The following RCOR1 variants were observed in gnomAD, a reference collection of about 807,000 sequenced individuals.
RCOR1 encodes the protein REST corepressor.
Under a neutral mutation model 64.0 loss-of-function variants are expected in RCOR1, and 12 were observed. The observed-to-expected ratio is 0.19, with a 90% CI of 0.12 to 0.30. The LOEUF (loss-of-function observed/expected upper bound fraction) is 0.30. Ranked by LOEUF, RCOR1 falls within the 10% of genes least tolerant of loss-of-function variation. The pLI is 1.00. For missense variants in RCOR1, 502 were observed against 621.2 expected, an observed-to-expected ratio of 0.81 and a Z score of 2.04; for synonymous variants, 279 against 227.2, an observed-to-expected ratio of 1.23 and a Z score of -2.05.
chr14:102,696,030 G>C (rs902156423), intron 3 of RCOR1, among the ~76,000 whole-genome samples: 10 of 152,008 alleles, frequency 6.6e-5, no homozygotes, highest in Admixed American at 3.9e-4. Flanking sequence ...ATTCTCAGAC[G>C]TTAGCTGTTG....
At chr14:102,720,825 A>C in intron 8 of RCOR1, 182 bp from the exon 9 acceptor site, 1 of 475,236 alleles carries the variant, frequency 2.1e-6, no homozygotes, top group East Asian at 3.6e-5. Context: ...TGCTCTGAAC[A>C]AGCAAATAAT....
chr14:102,595,616 C>G (rs1324858665), intron 2 of RCOR1, among the ~76,000 whole-genome samples: 2 of 149,882 alleles, frequency 1.3e-5, no homozygotes, highest in African/African-American at 4.9e-5. Context: ...CTTGCTCTGT[C>G]CCTCAGGCTG....
chr14:102,642,782 G>C (rs976185004), intron 2 of RCOR1, among the ~76,000 whole-genome samples: 3 of 152,170 alleles, frequency 2.0e-5, no homozygotes, highest in Non-Finnish European at 4.4e-5. Context: ...GCTGTGGTGA[G>C]CTATGATCAT....
intron 2 of RCOR1, chr14:102,659,260 T>C: frequency 1.0e-6 from 1 of 985,322 alleles, no homozygotes; most frequent in Non-Finnish European, 1.2e-6. Flanking sequence ...TGATGCAGGG[T>C]TGCATTGGCC....
intron 2 of RCOR1, among the ~76,000 whole-genome samples, chr14:102,660,081 A>G (rs970667121): frequency 1.3e-5 from 2 of 152,164 alleles, no homozygotes; most frequent in East Asian, 3.9e-4. Context: ...ATCTTTAACC[A>G]TTGGTTCCAA....
intron 2 of RCOR1, among the ~76,000 whole-genome samples, chr14:102,670,866 C>T (rs1595222057): frequency 1.3e-5 from 2 of 151,058 alleles, no homozygotes; most frequent in Non-Finnish European, 3.0e-5. Context: ...CTCTGCCTCC[C>T]GGGTTCAAGC....
chr14:102,645,234 G>C, intron 2 of RCOR1, among the ~76,000 whole-genome samples: 1 of 152,092 alleles, frequency 6.6e-6, no homozygotes, highest in Admixed American at 6.6e-5. Flanking sequence ...ATCCTTAGAA[G>C]GCTCTTGGTC....
intron 2 of RCOR1, among the ~76,000 whole-genome samples, chr14:102,612,189 A>G (rs966950693): frequency 2.0e-5 from 3 of 151,654 alleles, no homozygotes; most frequent in Non-Finnish European, 4.4e-5. Context: ...ATGTCACTCT[A>G]CCTTGACTGG....
At chr14:102,706,127 A>C (rs1210825644) in intron 4 of RCOR1, among the ~76,000 whole-genome samples, 2 of 148,248 alleles carry the variant, frequency 1.3e-5, no homozygotes, top group Non-Finnish European at 3.0e-5. Flanking sequence ...AAAAAAAAAA[A>C]AAAAAAAAAA....
intron 2 of RCOR1, among the ~76,000 whole-genome samples, chr14:102,621,141 T>A (rs1032336238): frequency 2.6e-5 from 4 of 152,206 alleles, no homozygotes; most frequent in Non-Finnish European, 2.9e-5. Flanking sequence ...AGCTAGTTTT[T>A]TAGAATTTTT....
chr14:102,611,373 C>A (rs1182325566), intron 2 of RCOR1, among the ~76,000 whole-genome samples: 6 of 152,118 alleles, frequency 3.9e-5, no homozygotes, highest in African/African-American at 1.2e-4. Context: ...CCGGCCTCAG[C>A]CTATAGTTCT....
At chr14:102,597,624 C>T (rs1294338865) in intron 2 of RCOR1, among the ~76,000 whole-genome samples, 10 of 140,232 alleles carry the variant, frequency 7.1e-5, no homozygotes, top group East Asian at 2.1e-4. Flanking sequence ...CCACTGCGCC[C>T]GACCTTTTTT....
intron 3 of RCOR1, among the ~76,000 whole-genome samples, chr14:102,686,712 G>A (rs1255259755): frequency 6.6e-6 from 1 of 152,170 alleles, no homozygotes; most frequent in Non-Finnish European, 1.5e-5. Flanking sequence ...CTTTCACTTA[G>A]CAATATGCAT....
At chr14:102,676,163 C>T (rs1175450394) in intron 2 of RCOR1, among the ~76,000 whole-genome samples, 1 of 150,976 alleles carries the variant, frequency 6.6e-6, no homozygotes, top group South Asian at 2.1e-4. Context: ...CCCCACCCTT[C>T]CCGCCTTTCT....
intron 2 of RCOR1, among the ~76,000 whole-genome samples, chr14:102,615,526 G>T (rs1054787822): frequency 6.8e-6 from 1 of 146,226 alleles, no homozygotes; most frequent in African/African-American, 2.5e-5. Flanking sequence ...TCGGCTCACC[G>T]CAACCTCCAC....
chr14:102,648,834 A>C (rs1894525972), intron 2 of RCOR1, among the ~76,000 whole-genome samples: 1 of 152,196 alleles, frequency 6.6e-6, no homozygotes, highest in Admixed American at 6.5e-5. Context: ...CCAGACATGG[A>C]ATCCAGCAAA....
At chr14:102,597,188 AGT>A (rs1219616426) in intron 2 of RCOR1, among the ~76,000 whole-genome samples, 1 of 151,054 alleles carries the variant, frequency 6.6e-6, no homozygotes, top group Admixed American at 6.6e-5. Flanking sequence ...CTCAGTTTTG[AGT>A]GTGTCTTTGT....
At position 102,625,230 on chromosome 14, in the gene RCOR1, A is replaced by AC. The variant is rs1491073983; in HGVS notation, c.361+31906dup. On this transcript the variant is annotated intron_variant, in intron 2 of 11. Coordinates refer to ENST00000262241, the MANE Select transcript of RCOR1 (RefSeq NM_015156.4). ...TCTTGCATTCCAGGTCTATCTTGTT[A>AC]CTTTTTTTTTTTTTTTTTTTTTTTT... Among the ~76,000 whole-genome samples, 22 of 74,358 alleles carry AC rather than the reference A, an allele frequency of 3.0e-4. No homozygotes were observed. The East Asian group carries it at 6.2e-3, about 21-fold the overall frequency. 48.8% of individuals were successfully genotyped at this position (74,358 alleles called of 152,430 possible). A position where few individuals can be genotyped will look rare whatever the true frequency, so the allele number is the denominator to read the frequency against.
intron 2 of RCOR1, among the ~76,000 whole-genome samples, chr14:102,615,014 G>A (rs1002109700): frequency 2.0e-5 from 3 of 151,750 alleles, no homozygotes; most frequent in Non-Finnish European, 4.4e-5. Context: ...TGTATTTTTA[G>A]TAGAGACGGG....
Sources: allele counts gnomAD v4.1 joint callset (sites outside exome capture counted in the v4.1 genomes callset), GRCh38; gene constraint gnomAD v4.1.1; transcripts MANE v1.5; gene names NCBI Gene and HGNC (gene_info 2026-07-23, HGNC 2026-07-21).